SEL1L3: variants seen among roughly 807,000 people sequenced by gnomAD.
SEL1L3 encodes protein sel-1 homolog 3.
SEL1L3 carries 76 observed loss-of-function variants against 142.8 expected under a neutral mutation model. The observed-to-expected ratio is 0.53, with a 90% CI of 0.44 to 0.64. SEL1L3 has a LOEUF of 0.64. Among genes scored for constraint, SEL1L3 ranks in the 30% least tolerant of loss-of-function variants. The probability of loss-of-function intolerance (pLI) is 0.00; values close to 1 mark genes in which losing one functional copy is unlikely to be tolerated. For synonymous variants in SEL1L3, 504 were observed against 519.6 expected (o/e 0.97, Z 0.41); for missense variants, 1,262 against 1,381.7 (o/e 0.91, Z 1.37).
chr4:25,785,608 A>C (rs557321205), intron 13 of SEL1L3, among the ~76,000 whole-genome samples: 2 of 152,198 alleles, frequency 1.3e-5, no homozygotes, highest in African/African-American at 4.8e-5. Flanking sequence ...AAAACCAATG[A>C]ACTGAAGCAA....
chr4:25,776,378 A>G lies in SEL1L3; in HGVS notation c.2586-18T>C. 6.4e-7 allele frequency: 1 copy of G among 1,567,296 alleles called. No individual in the cohort carries two copies. The highest frequency in any genetic ancestry group is 8.8e-7 in the Non-Finnish European group (1 of 1,139,466). On this transcript the variant is annotated intron_variant, in intron 16 of 23. Coordinates refer to ENST00000399878, the MANE Select transcript of SEL1L3 (RefSeq NM_015187.5). Reference sequence around the variant, plus strand: ...TTGCCCATCTGAAAAAAAAAAGGGAAGAGAAAATACGCAAACCATGGCAAA... The same window carrying G: ...TTGCCCATCTGAAAAAAAAAAGGGAGGAGAAAATACGCAAACCATGGCAAA...
intron 1 of SEL1L3, among the ~76,000 whole-genome samples, chr4:25,850,033 C>G (rs1294850146): frequency 6.6e-6 from 1 of 152,140 alleles, no homozygotes; most frequent in African/African-American, 2.4e-5. Context: ...GGGAAAGGCA[C>G]TGCAAGGGGT....
At position 25,773,896 on chromosome 4, in the gene SEL1L3, C is replaced by T. The variant is rs149299668; in HGVS notation, c.2669+2381G>A. On this transcript the variant is annotated intron_variant, in intron 17 of 23. Coordinates refer to ENST00000399878, the MANE Select transcript of SEL1L3 (RefSeq NM_015187.5). ...GGAAATTCCACCCATCCTTCAAGACCACCTCATCCATTACTTCTATCATGA... is the reference window on the plus strand; with the variant it reads ...GGAAATTCCACCCATCCTTCAAGACTACCTCATCCATTACTTCTATCATGA... Among the ~76,000 whole-genome samples, 657 of 152,198 alleles carry T rather than the reference C, an allele frequency of 4.3e-3. 5 individuals carry two copies. The highest frequency in any genetic ancestry group is 0.015 in the African/African-American group (620 of 41,528).
chr4:25,819,505 G>A (rs1714613343), intron 8 of SEL1L3, among the ~76,000 whole-genome samples: 1 of 152,222 alleles, frequency 6.6e-6, no homozygotes, highest in African/African-American at 2.4e-5. Context: ...CCTTATGGTT[G>A]GGAATAACGC....
the SEL1L3 span, among the ~76,000 whole-genome samples, chr4:25,735,281 GC>G: frequency 0.012 from 1,889 of 152,068 alleles, 40 homozygotes; most frequent in African/African-American, 0.043. Context: ...CTAGGTTCAA[GC>G]AATCCTCCTG....
rs1270411567 is a variant in SEL1L3 at position 25,756,113 on chromosome 4, A to G, written c.3259+1421T>C. 2 of 985,164 alleles carry G rather than the reference A, an allele frequency of 2.0e-6. 1 individual carries two copies. The highest frequency in any genetic ancestry group is 2.4e-6 in the Non-Finnish European group (2 of 829,904). The allele number at this position is 985,164 out of a possible 1,614,324, so 61.0% of individuals were successfully genotyped here. A position where few individuals can be genotyped will look rare whatever the true frequency, so the allele number is the denominator to read the frequency against. On this transcript the variant is annotated intron_variant, in intron 23 of 23. Transcript: ENST00000399878. The stretch of plus-strand genomic sequence containing the variant: ...AGAGACGCTGACGTGCACCCCTTTC[A>G]CTTTCCATTATCTGCTACAGAAATA...
chr4:25,725,927 G>A, the SEL1L3 span, among the ~76,000 whole-genome samples: 1 of 152,124 alleles, frequency 6.6e-6, no homozygotes, highest in Non-Finnish European at 1.5e-5. Flanking sequence ...GTTCTGACTG[G>A]CTGTTCTACT....
chr4:25,729,668 C>A, the SEL1L3 span, among the ~76,000 whole-genome samples: 10 of 152,126 alleles, frequency 6.6e-5, no homozygotes, highest in African/African-American at 2.2e-4. Context: ...GAGCCGAGAT[C>A]GCGGCACTGC....
intron 15 of SEL1L3, among the ~76,000 whole-genome samples, chr4:25,781,011 T>C (rs1381582875): frequency 6.6e-6 from 1 of 151,320 alleles, no homozygotes; most frequent in Non-Finnish European, 1.5e-5. Context: ...TTTTTAGTGA[T>C]GAGGGTTTGT....
chr4:25,847,862 A>C lies in SEL1L3; in HGVS notation c.165T>G (p.Asn55Lys). 1 of 1,530,202 alleles carries C rather than the reference A, an allele frequency of 6.5e-7. No homozygotes were observed. The highest frequency in any genetic ancestry group is 8.8e-7 in the Non-Finnish European group (1 of 1,140,382). 94.8% of individuals were successfully genotyped at this position (1,530,202 alleles called of 1,614,324 possible). ...TCTGCCTACCCAAAGATGGTACAACATTCTGAAAAAAAGAAAAAGAAAGTA... is the reference window on the plus strand; with the variant it reads ...TCTGCCTACCCAAAGATGGTACAACCTTCTGAAAAAAAGAAAAAGAAAGTA... Reference protein sequence around the residue: ...ACALLLLCYLNVVPSLGRQTS... With the variant: ...ACALLLLCYLKVVPSLGRQTS... The change falls in exon 2 of 24, where the codon AAT (asparagine) becomes AAG (lysine). Residue 55 changes from asparagine to lysine, a missense_variant and splice_region_variant. By Grantham distance (94) the Asn-to-Lys change is moderately conservative. Around this residue, in one of 3 missense-constraint regions of SEL1L3, gnomAD observed 689 missense variants for 692.8 expected, o/e 0.99. Coordinates refer to ENST00000399878, the MANE Select transcript of SEL1L3 (RefSeq NM_015187.5).
chr4:25,785,346 T>C (rs962483326), intron 13 of SEL1L3, among the ~76,000 whole-genome samples: 9 of 152,216 alleles, frequency 5.9e-5, no homozygotes, highest in African/African-American at 2.2e-4. Context: ...CTGAGAAATA[T>C]GCCCTTAGTC....
In SEL1L3 at chr4:25,784,273, C is replaced by G; in HGVS notation, c.2235G>C (p.Lys745Asn). The G allele has an allele frequency of 6.2e-7, 1 of 1,613,570 alleles. No individual in the cohort carries two copies. Among genetic ancestry groups the G allele is most frequent in the Non-Finnish European group, 8.5e-7 (1 of 1,179,608 alleles). Residue 745 changes from lysine to asparagine, a missense_variant, in exon 14 of 24, where the codon AAG becomes AAC. Lys to Asn is a moderately conservative substitution (Grantham distance 94). This residue lies in a region of SEL1L3 where 435 missense variants were observed against 559.2 expected (regional missense o/e 0.78). Transcript: ENST00000399878. ...TCAGCTCTAAGGCAAGCCGTCTGTTCTTTTTTACTCCTTGACCCTAAACAT... is the reference window on the plus strand; with the variant it reads ...TCAGCTCTAAGGCAAGCCGTCTGTTGTTTTTTACTCCTTGACCCTAAACAT... ...IVLFKGQGVK[K>N]NRRLALELMK...
chr4:25,787,049 A>G (rs1452421508), intron 13 of SEL1L3, among the ~76,000 whole-genome samples: 1 of 152,182 alleles, frequency 6.6e-6, no homozygotes, highest in Non-Finnish European at 1.5e-5. Flanking sequence ...AAAGCTTTTT[A>G]CTTTTCCAAG....
chr4:25,791,407 A>G (rs1024318267), intron 11 of SEL1L3, among the ~76,000 whole-genome samples: 2 of 152,224 alleles, frequency 1.3e-5, no homozygotes, highest in African/African-American at 4.8e-5. Flanking sequence ...CCTTTGAAGA[A>G]GATAAAATTC....
intron 11 of SEL1L3, among the ~76,000 whole-genome samples, chr4:25,791,806 G>A (rs1712352502): frequency 6.6e-6 from 1 of 152,056 alleles, no homozygotes; most frequent in Admixed American, 6.6e-5. Context: ...CCAGCTACTT[G>A]GGAGGCTGAG....
At chr4:25,821,887 G>A (rs982995080) in intron 7 of SEL1L3, 109 bp downstream of exon 7, 9 of 1,093,024 alleles carry the variant, frequency 8.2e-6, no homozygotes, top group East Asian at 2.6e-5. Context: ...TGACAGAGGC[G>A]ATGCATGGTC....
chr4:25,859,132 A>C (rs544310285), intron 1 of SEL1L3, among the ~76,000 whole-genome samples: 5 of 152,254 alleles, frequency 3.3e-5, no homozygotes, highest in Non-Finnish European at 5.9e-5. Flanking sequence ...CCAAGTTGGA[A>C]GAAGGTAAGA....
At chr4:25,769,796 G>A (rs559020785) in intron 17 of SEL1L3, among the ~76,000 whole-genome samples, 6 of 152,302 alleles carry the variant, frequency 3.9e-5, no homozygotes, top group African/African-American at 1.4e-4. Context: ...GTAACTGGCT[G>A]GGATGTGGCT....
intron 13 of SEL1L3, among the ~76,000 whole-genome samples, chr4:25,786,246 G>A (rs568089178): frequency 1.3e-5 from 2 of 152,134 alleles, no homozygotes; most frequent in Admixed American, 6.5e-5. Context: ...TGCACGTACT[G>A]TTCTTTGCAT....
Sources: gnomAD v4.1 joint callset for allele counts (sites outside exome capture counted in the v4.1 genomes callset) on GRCh38, gnomAD v4.1.1 for gene constraint, gnomAD v4.1.1 regional missense constraint, MANE v1.5 for transcripts, NCBI Gene and HGNC (gene_info 2026-07-23, HGNC 2026-07-21) for gene names.